Variants in ATPAF1 observed in about 807,000 individuals in gnomAD.
ATPAF1 encodes the protein homolog of yeast ATP11.
Under a neutral mutation model 43.9 loss-of-function variants are expected in ATPAF1, and 26 were observed. The ratio of observed to expected loss-of-function variants is 0.59; its 90% CI spans 0.43 to 0.82. The LOEUF (loss-of-function observed/expected upper bound fraction) is 0.82, where lower values mean the gene tolerates loss of function less well. Ranked by LOEUF, ATPAF1 falls within the 40% of genes least tolerant of loss-of-function variation. ATPAF1 has a pLI of 0.00. For missense variants in ATPAF1, 366 were observed against 435.0 expected (o/e 0.84, Z 1.41); for synonymous variants, 157 against 168.0 (o/e 0.93, Z 0.50).
At chr1:46,652,706 A>C in intron 5 of ATPAF1, 78 bp from the exon 6 acceptor site, 1 of 1,205,626 alleles carries the variant, frequency 8.3e-7, no homozygotes, top group Non-Finnish European at 1.2e-6. Flanking sequence ...ATTCACCAAG[A>C]CTGAATTCTA....
At chr1:46,643,043 G>A (rs1675977250) in intron 8 of ATPAF1, 151 bp downstream of exon 8, 1 of 656,582 alleles carries the variant, frequency 1.5e-6, no homozygotes, top group Non-Finnish European at 2.6e-6. Flanking sequence ...GGAAGATCTT[G>A]AGCAAGACAA....
Position 46,665,528 on chromosome 1 carries a change from A to T in ATPAF1, c.267-164T>A, listed in dbSNP as rs569272452. ...CTGGGCACAGGCCTAGAAATAAAGA[A>T]ACTGGAAAAAGAAATCCTGTTATTC... On this transcript the variant is annotated intron_variant, in intron 1 of 8. Transcript: ENST00000574428. The T allele has an allele frequency of 2.3e-5, 28 of 1,214,724 alleles. No individual in the cohort carries two copies. In the Admixed American group the frequency reaches 4.5e-4, roughly 19 times the overall value. The allele number at this position is 1,214,724 out of a possible 1,614,324, so 75.2% of individuals were successfully genotyped here.
In ATPAF1 at chr1:46,645,591, G is replaced by A. The variant is rs144991808; in HGVS notation, c.589-335C>T. ...TTGCCCAGGCTGGTCTTGAACTCCCGGGCTCAAGCAATCTGCCTCCCTCAG... is the reference window on the plus strand; with the variant it reads ...TTGCCCAGGCTGGTCTTGAACTCCCAGGCTCAAGCAATCTGCCTCCCTCAG... On this transcript the variant is annotated intron_variant, in intron 6 of 8. Coordinates refer to ENST00000574428, the Ensembl canonical transcript of ATPAF1. Among the ~76,000 whole-genome samples the A allele has an allele frequency of 1.5e-3, 232 of 151,600 alleles. 1 individual carries two copies. The highest frequency in any genetic ancestry group is 5.5e-3 in the African/African-American group (226 of 41,300).
intron 2 of ATPAF1, chr1:46,663,804 G>T: frequency 8.6e-7 from 1 of 1,158,284 alleles, no homozygotes; most frequent in Non-Finnish European, 1.1e-6. Flanking sequence ...AAAACACAAT[G>T]TAGAATCCCA....
intron 6 of ATPAF1, among the ~76,000 whole-genome samples, chr1:46,646,666 G>A (rs1294837275): frequency 6.6e-6 from 1 of 152,122 alleles, no homozygotes; most frequent in Non-Finnish European, 1.5e-5. Context: ...ATGATCCCTT[G>A]CTAGGGAAAA....
At chr1:46,663,803 T>C (rs1676441084) in intron 2 of ATPAF1, 3 of 1,151,270 alleles carry the variant, frequency 2.6e-6, no homozygotes, top group Non-Finnish European at 3.3e-6. Flanking sequence ...TAAAACACAA[T>C]GTAGAATCCC....
intron 2 of ATPAF1, chr1:46,663,810 T>A: frequency 8.6e-7 from 1 of 1,163,714 alleles, no homozygotes; most frequent in South Asian, 1.6e-5. Context: ...CAATGTAGAA[T>A]CCCAATTTTC....
intron 4 of ATPAF1, among the ~76,000 whole-genome samples, chr1:46,657,019 A>G (rs1363962459): frequency 6.6e-6 from 1 of 152,192 alleles, no homozygotes; most frequent in Admixed American, 6.5e-5. Flanking sequence ...CACAACTTCC[A>G]GTTGTGGGAA....
downstream of ATPAF1, chr1:46,634,171 G>A: frequency 3.7e-6 from 1 of 271,858 alleles, no homozygotes; most frequent in Non-Finnish European, 7.1e-6. Context: ...AGAGCTTAGG[G>A]ACAGGCCCAA....
chr1:46,641,598 A>G (rs1380457191), intron 8 of ATPAF1, among the ~76,000 whole-genome samples: 1 of 152,126 alleles, frequency 6.6e-6, no homozygotes, highest in Admixed American at 6.5e-5. Context: ...AACTGCTCTT[A>G]TAAGGCCCCC....
exon 3 of ATPAF1, chr1:46,658,719 G>T: frequency 6.2e-7 from 1 of 1,601,700 alleles, no homozygotes; most frequent in Non-Finnish European, 8.5e-7. Flanking sequence ...TTCACAGACT[G>T]TTTCCCCAAG....
chr1:46,666,574 T>A (rs777618881), intron 1 of ATPAF1, among the ~76,000 whole-genome samples: 5 of 152,252 alleles, frequency 3.3e-5, no homozygotes, highest in Admixed American at 2.0e-4. Context: ...ACAGGTATTA[T>A]GATGAAAATT....
chr1:46,661,900 T>C (rs1300033682), intron 2 of ATPAF1, among the ~76,000 whole-genome samples: 1 of 151,386 alleles, frequency 6.6e-6, no homozygotes, highest in Non-Finnish European at 1.5e-5. Flanking sequence ...TTTCTTTCTT[T>C]TTTTTTTTTT....
At chr1:46,641,402 T>C (rs755371647) in intron 8 of ATPAF1, among the ~76,000 whole-genome samples, 3 of 152,178 alleles carry the variant, frequency 2.0e-5, no homozygotes, top group Non-Finnish European at 4.4e-5. Context: ...CCCATCAGCA[T>C]ACAAATATGT....
exon 9 of ATPAF1, chr1:46,635,767 T>G (rs1675825983): frequency 6.2e-7 from 1 of 1,609,946 alleles, no homozygotes; most frequent in African/African-American, 1.3e-5. Context: ...AGGGCCAACC[T>G]GTACAGTTCT....
At chr1:46,637,611 G>C (rs1306352439) in intron 8 of ATPAF1, among the ~76,000 whole-genome samples, 1 of 152,176 alleles carries the variant, frequency 6.6e-6, no homozygotes, top group East Asian at 1.9e-4. Flanking sequence ...GCTATGTCTA[G>C]CTAGAGAATG....
At chr1:46,634,114 C>T (rs1022219239), downstream of ATPAF1, 5 of 313,702 alleles carry the variant, frequency 1.6e-5, no homozygotes, top group African/African-American at 6.6e-5. Context: ...AAAGGTGCAA[C>T]AAAATAGACA....
At chr1:46,643,428 G>A in intron 7 of ATPAF1, 127 bp from the exon 8 acceptor site, 1 of 672,226 alleles carries the variant, frequency 1.5e-6, no homozygotes, top group Non-Finnish European at 2.5e-6. Context: ...GTGAGTTGGA[G>A]GACTGGTATG....
intron 2 of ATPAF1, among the ~76,000 whole-genome samples, chr1:46,659,206 TAA>T (rs1676337281): frequency 6.6e-6 from 1 of 151,770 alleles, no homozygotes; most frequent in African/African-American, 2.4e-5. Context: ...ATAAAATAAA[TAA>T]ATAAAAAGAA....
Sources: gnomAD v4.1 joint callset for allele counts (sites outside exome capture counted in the v4.1 genomes callset) on GRCh38, gnomAD v4.1.1 for gene constraint, MANE v1.5 for transcripts, NCBI Gene and HGNC (gene_info 2026-07-23, HGNC 2026-07-21) for gene names.